MELTF: variants seen among roughly 807,000 people sequenced by gnomAD.
MELTF encodes the protein antigen p97 (melanoma associated) identified by monoclonal antibodies 133.2 and 96.5.
MELTF carries 67 observed loss-of-function variants against 83.7 expected under a neutral mutation model. The observed-to-expected ratio is 0.80, with a 90% confidence interval of 0.66 to 0.98. The LOEUF (loss-of-function observed/expected upper bound fraction) is 0.98. Among genes scored for constraint, MELTF ranks in the 50% least tolerant of loss-of-function variants. MELTF has a pLI of 0.00. For missense variants in MELTF, 1,002 were observed against 1,035.6 expected, an observed-to-expected ratio of 0.97 and a Z score of 0.44; for synonymous variants, 462 against 447.6, an observed-to-expected ratio of 1.03 and a Z score of -0.41.
At chr3:197,015,217 C>CGG (rs1179397952) in intron 9 of MELTF, 148 bp downstream of exon 9, 1 of 1,000,966 alleles carries the variant, frequency 1.0e-6, no homozygotes, top group Non-Finnish European at 1.4e-6. Flanking sequence ...CTGGCCCCTG[C>CGG]GGTCGCTCCT....
chr3:197,020,489 G>GCACACACACACA (rs57202737), intron 6 of MELTF, among the ~76,000 whole-genome samples: 2 of 149,386 alleles, frequency 1.3e-5, no homozygotes, highest in African/African-American at 4.9e-5. Context: ...GAACACACAC[G>GCACACACACACA]CACACACACA....
intron 2 of MELTF, 162 bp from the exon 3 acceptor site, chr3:197,026,921 C>T (rs1056478367): frequency 6.8e-6 from 4 of 587,762 alleles, no homozygotes; most frequent in Non-Finnish European, 1.2e-5. Context: ...GGGCTCTCCC[C>T]CTTTCCCAGG....
In MELTF at chr3:197,017,238, C is replaced by G; in HGVS notation, c.765G>C (p.Leu255=). ...CGGCCCGGCTACCATCCCGGCACAG[C>G]AGCTCGAAGTCCTGTGACAGCAGGG... The part of the protein sequence containing the change: ...GQALLSQDFE[L]LCRDGSRADV... The change falls in exon 7 of 16, where the codon CTG becomes CTC. Residue 255 remains leucine (L), a synonymous_variant. Transcript: ENST00000296350. 1 of 1,589,220 alleles carries G rather than the reference C, an allele frequency of 6.3e-7. No individual in the cohort carries two copies. Among genetic ancestry groups the G allele is most frequent in the Non-Finnish European group, 8.6e-7 (1 of 1,168,888 alleles).
intron 3 of MELTF, 140 bp downstream of exon 3, chr3:197,026,520 A>G (rs1251422034): frequency 7.1e-6 from 5 of 700,758 alleles, no homozygotes; most frequent in African/African-American, 3.5e-5. Context: ...AGAGAGCCTT[A>G]GGGCGTTCTT....
Position 197,009,730 on chromosome 3 carries a change from C to T in MELTF, c.1413G>A (p.Arg471=). Residue 471 remains arginine (R), a synonymous_variant, in exon 11 of 16, where the codon CGG becomes CGA. Transcript: ENST00000296350. ...SSHAFTLDEL[R]GKRSCHAGFG... is the part of the protein sequence containing the mutation. ...AACCGGCGTGGCAGGAGCGCTTGCC[C>T]CGAAGCTCATCCAAGGTGAAGGCGT... 6.2e-7 allele frequency: 1 copy of T among 1,613,622 alleles called. No homozygotes were observed. The highest frequency in any genetic ancestry group is 8.5e-7 in the Non-Finnish European group (1 of 1,180,032).
chr3:197,011,955 C>T lies in MELTF; in HGVS notation c.1234-1161G>A, dbSNP rs1174293644. ...GAGGGAGCTGAAACCTCCCTCCCTG[C>T]ACCTCTCCCTGCTCTGGGGCTCTTG... is the stretch of plus-strand genomic sequence containing the variant. On this transcript the variant is annotated intron_variant, in intron 9 of 15. Transcript: ENST00000296350. This position sits in a 1 kb window ranked among gnomAD's most constrained non-coding sequence, Gnocchi z 4.2. 6.6e-6 allele frequency among the ~76,000 whole-genome samples: 1 copy of T among 152,184 alleles called. No individual in the cohort carries two copies. The highest frequency in any genetic ancestry group is 2.4e-5 in the African/African-American group (1 of 41,442).
At chr3:197,021,494 C>A in intron 5 of MELTF, 23 bp from the exon 6 acceptor site, 1 of 1,611,470 alleles carries the variant, frequency 6.2e-7, no homozygotes, top group Non-Finnish European at 8.5e-7. Flanking sequence ...AGCTGTGGGT[C>A]TGGATGGGCT....
Position 197,008,888 on chromosome 3 carries a change from A to AC in MELTF, c.1602dup (p.Cys535ValfsTer35), listed in dbSNP as rs1220456493. ...TTGCGGCCCTGCTCGTCCCCCACGC[A>AC]CAGTGCACACAGCGAGGAGGGGTAG... On this transcript the variant is annotated frameshift_variant, in exon 12 of 16. Coordinates refer to ENST00000296350, the MANE Select transcript of MELTF (RefSeq NM_005929.6). LOFTEE classifies it high-confidence loss of function. This position sits in a 1 kb window ranked among gnomAD's most constrained non-coding sequence, Gnocchi z 5.4. 8.1e-6 allele frequency: 13 copies of AC among 1,614,012 alleles called. No homozygotes were observed. Among genetic ancestry groups the AC allele is most frequent in the African/African-American group, 1.3e-5 (1 of 74,900 alleles).
intron 6 of MELTF, among the ~76,000 whole-genome samples, chr3:197,017,783 A>C (rs183641584): frequency 6.6e-6 from 1 of 152,144 alleles, no homozygotes; most frequent in African/African-American, 2.4e-5. Flanking sequence ...AGGCTGAGGC[A>C]GGAGAATGGT....
At chr3:197,017,354 G>A (rs1424487418) in intron 6 of MELTF, 64 bp from the exon 7 acceptor site, 1 of 1,397,222 alleles carries the variant, frequency 7.2e-7, no homozygotes, top group African/African-American at 1.5e-5. Flanking sequence ...GGCGGGGAAG[G>A]CCCAGGAGAG....
chr3:197,008,523 A>T lies in MELTF; in HGVS notation c.1750+134T>A, dbSNP rs1719057091. On this transcript the variant is annotated intron_variant, in intron 13 of 15. Coordinates refer to ENST00000296350, the MANE Select transcript of MELTF (RefSeq NM_005929.6). This position sits in a 1 kb window ranked among gnomAD's most constrained non-coding sequence, Gnocchi z 5.4. Reference sequence around the variant, plus strand: ...TGACCCTTGGGGCTCCCAGCTTCCCAGGGGGCACAGCCTTCTAGACTCAGC... The same window carrying T: ...TGACCCTTGGGGCTCCCAGCTTCCCTGGGGGCACAGCCTTCTAGACTCAGC... The T allele has an allele frequency of 3.0e-6, 3 of 987,130 alleles. No homozygotes were observed. The allele number at this position is 987,130 out of a possible 1,614,324, so 61.1% of individuals were successfully genotyped here. A position where few individuals can be genotyped will look rare whatever the true frequency, so the allele number is the denominator to read the frequency against.
Position 197,027,755 on chromosome 3 carries a change from C to T in MELTF, c.204+1G>A, listed in dbSNP as rs760712283. On this transcript the variant is annotated splice_donor_variant, in intron 2 of 15. Coordinates refer to ENST00000296350, the MANE Select transcript of MELTF (RefSeq NM_005929.6). LOFTEE classifies it high-confidence loss of function. ...GGCAGGGTGGAAGGGAGAGGACTCA[C>T]CGCGATGAGCTGGACGCAGTGGTCG... 1 of 1,604,906 alleles carries T rather than the reference C, an allele frequency of 6.2e-7. No individual in the cohort carries two copies.
chr3:197,014,667 G>A (rs1719298101), intron 9 of MELTF, among the ~76,000 whole-genome samples: 1 of 152,132 alleles, frequency 6.6e-6, no homozygotes, highest in Admixed American at 6.5e-5. Context: ...TGGGATTATA[G>A]GTGTGAGCCA....
intron 6 of MELTF, chr3:197,019,148 A>C: frequency 1.0e-6 from 1 of 987,840 alleles, no homozygotes; most frequent in Non-Finnish European, 1.2e-6. Context: ...GCCACATGGT[A>C]GTTTACAGCA....
chr3:197,003,351 T>C lies in MELTF; in HGVS notation c.*21A>G. ...AAACTCCCCGGGCGGGCATCGGAGC[T>C]CTGGGGCGGGGCGGCCGGGCTCAGA... On this transcript the variant is annotated 3_prime_UTR_variant, in exon 16 of 16. Transcript: ENST00000296350. The surrounding 1 kb of genome is among the most constrained non-coding windows in gnomAD (Gnocchi z 6.2). The C allele has an allele frequency of 9.6e-7, 1 of 1,040,358 alleles. No individual in the cohort carries two copies. The highest frequency in any genetic ancestry group is 1.1e-6 in the Non-Finnish European group (1 of 869,742). 64.4% of individuals were successfully genotyped at this position (1,040,358 alleles called of 1,614,324 possible). A position where few individuals can be genotyped will look rare whatever the true frequency, so the allele number is the denominator to read the frequency against.
intron 11 of MELTF, 39 bp downstream of exon 11, chr3:197,009,579 A>T: frequency 6.3e-7 from 1 of 1,575,608 alleles, no homozygotes; most frequent in African/African-American, 1.3e-5. Context: ...ACCCCAGAGA[A>T]GGCTTCCCCA....
Position 197,026,696 on chromosome 3 carries a change from C to G in MELTF, c.268G>C (p.Gly90Arg). The change falls in exon 3 of 16, where the codon GGC becomes CGC. Residue 90 changes from glycine (G) to arginine (R), a missense_variant. Physicochemically the swap from Gly to Arg is moderately radical, Grantham distance 125. Coordinates refer to ENST00000296350, the MANE Select transcript of MELTF (RefSeq NM_005929.6). ...GAIYEAGKEH[G>R]LKPVVGEVYD... is the part of the protein sequence containing the mutation. Reference sequence around the variant, plus strand: ...ACTTCGCCCACCACCGGCTTCAGGCCGTGCTCCTTTCCCGCCTCATAGATG... The same window carrying G: ...ACTTCGCCCACCACCGGCTTCAGGCGGTGCTCCTTTCCCGCCTCATAGATG... The G allele has an allele frequency of 1.2e-6, 2 of 1,613,542 alleles. No individual in the cohort carries two copies. The highest frequency in any genetic ancestry group is 1.7e-6 in the Non-Finnish European group (2 of 1,180,016).
In MELTF at chr3:197,011,959, T is replaced by C. The variant is rs909147209; in HGVS notation, c.1234-1165A>G. On this transcript the variant is annotated intron_variant, in intron 9 of 15. Transcript: ENST00000296350. The surrounding 1 kb of genome is among the most constrained non-coding windows in gnomAD (Gnocchi z 4.2). Reference sequence around the variant, plus strand: ...GAGCTGAAACCTCCCTCCCTGCACCTCTCCCTGCTCTGGGGCTCTTGGAAC... The same window carrying C: ...GAGCTGAAACCTCCCTCCCTGCACCCCTCCCTGCTCTGGGGCTCTTGGAAC... Among the ~76,000 whole-genome samples the C allele has an allele frequency of 1.1e-4, 17 of 152,034 alleles. No homozygotes were observed. Among genetic ancestry groups the C allele is most frequent in the Non-Finnish European group, 1.9e-4 (13 of 67,980 alleles).
At chr3:197,017,825 C>T (rs113091224) in intron 6 of MELTF, among the ~76,000 whole-genome samples, 36,618 of 151,926 alleles carry the variant, frequency 0.24, 4,547 homozygotes, top group Middle Eastern at 0.32. Flanking sequence ...TGCAGTGAGC[C>T]GAGATCACGC....
Sources: allele counts gnomAD v4.1 joint callset (sites outside exome capture counted in the v4.1 genomes callset), GRCh38; gene constraint gnomAD v4.1.1; non-coding constraint Gnocchi (gnomAD v3.1); transcripts MANE v1.5; gene names NCBI Gene and HGNC (gene_info 2026-07-23, HGNC 2026-07-21).